The following ADAM18 variants were observed in gnomAD, a reference collection of about 807,000 sequenced individuals.
The protein encoded by ADAM18 is ADAM metallopeptidase domain 18, also known as disintegrin and metalloproteinase domain-containing protein 18.
Under a neutral mutation model 94.4 loss-of-function variants are expected in ADAM18, and 117 were observed. The ratio of observed to expected loss-of-function variants is 1.24; its 90% confidence interval spans 1.07 to 1.45. The LOEUF (loss-of-function observed/expected upper bound fraction) is 1.45. Ranked by LOEUF, ADAM18 falls within the 40% of genes most tolerant of loss-of-function variation. The probability of loss-of-function intolerance (pLI) is 0.00; values close to 1 mark genes in which losing one functional copy is unlikely to be tolerated. For synonymous variants in ADAM18, 327 were observed against 291.6 expected, an observed-to-expected ratio of 1.12 and a Z score of -1.24; for missense variants, 936 against 880.0, an observed-to-expected ratio of 1.06 and a Z score of -0.81.
intron 12 of ADAM18, among the ~76,000 whole-genome samples, chr8:39,656,952 CA>C (rs1344839569): frequency 2.0e-5 from 3 of 152,124 alleles, no homozygotes; most frequent in Admixed American, 6.5e-5. Context: ...AAAATTGGCA[CA>C]AGTGAAAAGT....
chr8:39,672,121 G>A (rs1821174260), intron 14 of ADAM18, among the ~76,000 whole-genome samples: 1 of 152,148 alleles, frequency 6.6e-6, no homozygotes, highest in Non-Finnish European at 1.5e-5. Flanking sequence ...AATTGCCATA[G>A]CAGATAGTGG....
chr8:39,663,570 G>T (rs1434547063), intron 12 of ADAM18, among the ~76,000 whole-genome samples: 10 of 119,234 alleles, frequency 8.4e-5, no homozygotes, highest in African/African-American at 3.3e-4. Flanking sequence ...CTGCATTCCA[G>T]CCTGGGTGAC....
At chr8:39,597,222 G>A (rs1027784101) in intron 2 of ADAM18, among the ~76,000 whole-genome samples, 1 of 151,828 alleles carries the variant, frequency 6.6e-6, no homozygotes, top group Non-Finnish European at 1.5e-5. Flanking sequence ...TTAATCTGTG[G>A]TTTATCTCTT....
At chr8:39,696,404 T>C (rs1161964136) in intron 17 of ADAM18, among the ~76,000 whole-genome samples, 2 of 151,572 alleles carry the variant, frequency 1.3e-5, no homozygotes, top group Non-Finnish European at 3.0e-5. Flanking sequence ...TTATTTTTTC[T>C]TTTGTTGCCT....
chr8:39,645,186 A>G, intron 10 of ADAM18, 152 bp from the exon 11 acceptor site: 1 of 653,744 alleles, frequency 1.5e-6, no homozygotes. Flanking sequence ...AAATTACGGC[A>G]GATAAATAAA....
chr8:39,654,092 T>C lies in ADAM18; in HGVS notation c.1230+5565T>C, dbSNP rs141833483. On this transcript the variant is annotated intron_variant, in intron 12 of 19. Coordinates refer to ENST00000265707, the MANE Select transcript of ADAM18 (RefSeq NM_014237.3). ...TATTTGCCTTCTTGTGTCTGACTTA[T>C]TTCACTTAAGATAATGTCCTCCAGT... 9.2e-3 allele frequency among the ~76,000 whole-genome samples: 1,390 copies of C among 150,320 alleles called. 28 individuals are homozygous for C. Among genetic ancestry groups the C allele is most frequent in the African/African-American group, 0.033 (1,314 of 39,708 alleles).
At position 39,585,369 on chromosome 8, in the gene ADAM18, A is replaced by T; in HGVS notation, c.132+17A>T. ...GAGAGGAAGGTAAATGATGAGGAAT[A>T]TTTATTCTATATTTAAAGCTTTATG... On this transcript the variant is annotated intron_variant, in intron 2 of 19. Transcript: ENST00000265707. 1.3e-6 allele frequency: 2 copies of T among 1,582,010 alleles called. No homozygotes were observed. The highest frequency in any genetic ancestry group is 2.2e-5 in the South Asian group (2 of 89,538).
At chr8:39,677,287 T>C (rs903939790) in intron 14 of ADAM18, 144 bp from the exon 15 acceptor site, 1 of 589,192 alleles carries the variant, frequency 1.7e-6, no homozygotes, top group Admixed American at 3.7e-5. Context: ...TTCTTTCTAC[T>C]TGCATTGACA....
At chr8:39,589,414 A>G (rs996736117) in intron 2 of ADAM18, among the ~76,000 whole-genome samples, 1 of 152,202 alleles carries the variant, frequency 6.6e-6, no homozygotes, top group Non-Finnish European at 1.5e-5. Flanking sequence ...GAGAAGAACC[A>G]TCTATGCAGA....
chr8:39,669,637 C>A (rs1356334612), intron 14 of ADAM18, among the ~76,000 whole-genome samples: 14 of 151,942 alleles, frequency 9.2e-5, no homozygotes, highest in Non-Finnish European at 1.9e-4. Flanking sequence ...CTACAAAGGA[C>A]ATGAACTCAT....
chr8:39,672,254 A>T (rs941026063), intron 14 of ADAM18, among the ~76,000 whole-genome samples: 1 of 152,206 alleles, frequency 6.6e-6, no homozygotes, highest in Non-Finnish European at 1.5e-5. Context: ...AGAGAAAGGG[A>T]TACCATATTC....
Position 39,663,838 on chromosome 8 carries a change from T to C in ADAM18, c.1274T>C (p.Leu425Pro), listed in dbSNP as rs2049972702. 6.2e-7 allele frequency: 1 copy of C among 1,612,584 alleles called. No individual in the cohort carries two copies. The highest frequency in any genetic ancestry group is 1.3e-5 in the African/African-American group (1 of 74,832). ...KKCCDYNTCK[L>P]KGSVKCGSGP... Reference sequence around the variant, plus strand: ...TGCTGTGATTATAACACATGTAAACTGAAGGGCTCAGTAAAATGTGGTTCT... The same window carrying C: ...TGCTGTGATTATAACACATGTAAACCGAAGGGCTCAGTAAAATGTGGTTCT... The change falls in exon 13 of 20, where the codon CTG (leucine) becomes CCG (proline). Residue 425 changes from leucine (L) to proline (P), a missense_variant. By Grantham distance (98) the Leu-to-Pro change is moderately conservative. Coordinates refer to ENST00000265707, the MANE Select transcript of ADAM18 (RefSeq NM_014237.3).
chr8:39,643,234 T>C (rs1039701494), intron 10 of ADAM18, among the ~76,000 whole-genome samples: 10 of 152,126 alleles, frequency 6.6e-5, no homozygotes, highest in Non-Finnish European at 1.5e-4. Flanking sequence ...CAAACACAGA[T>C]AGTTTGACTT....
chr8:39,607,711 C>G (rs920107190), intron 3 of ADAM18, among the ~76,000 whole-genome samples: 7 of 151,312 alleles, frequency 4.6e-5, no homozygotes, highest in Admixed American at 4.6e-4. Flanking sequence ...CTTCAGTGCT[C>G]TCTCACTCTC....
chr8:39,599,540 T>C (rs1487220764), intron 2 of ADAM18, among the ~76,000 whole-genome samples: 1 of 152,174 alleles, frequency 6.6e-6, no homozygotes, highest in Non-Finnish European at 1.5e-5. Flanking sequence ...AATAGATGTA[T>C]CTCAATGGGT....
At chr8:39,707,528 G>A (rs1455291160) in intron 18 of ADAM18, among the ~76,000 whole-genome samples, 1 of 152,112 alleles carries the variant, frequency 6.6e-6, no homozygotes, top group Admixed American at 6.5e-5. Context: ...AACTTTTGTA[G>A]TTTGAGATAC....
chr8:39,592,009 T>C (rs1818582187), intron 2 of ADAM18, among the ~76,000 whole-genome samples: 1 of 152,174 alleles, frequency 6.6e-6, no homozygotes, highest in African/African-American at 2.4e-5. Context: ...ATTTTGAAAA[T>C]AATCTTTTTT....
At chr8:39,648,317 T>C (rs778557672) in intron 11 of ADAM18, 27 bp from the exon 12 acceptor site, 1 of 1,540,112 alleles carries the variant, frequency 6.5e-7, no homozygotes, top group South Asian at 1.3e-5. Context: ...CAGGCTTATT[T>C]GCCTGAGGAA....
chr8:39,671,026 T>A (rs1018078552), intron 14 of ADAM18, among the ~76,000 whole-genome samples: 6 of 152,356 alleles, frequency 3.9e-5, no homozygotes, highest in Admixed American at 2.0e-4. Flanking sequence ...TGAATTCTCC[T>A]CTGCTCCATC....
Sources: allele counts gnomAD v4.1 joint callset (sites outside exome capture counted in the v4.1 genomes callset), GRCh38; gene constraint gnomAD v4.1.1; transcripts MANE v1.5; gene names NCBI Gene and HGNC (gene_info 2026-07-23, HGNC 2026-07-21).